CAMK1D: variants seen among roughly 807,000 people sequenced by gnomAD.
The protein encoded by CAMK1D is calcium/calmodulin dependent protein kinase ID, also known as calcium/calmodulin-dependent protein kinase type 1D.
A neutral mutation model predicts 47.7 loss-of-function variants in CAMK1D; 9 were observed. The ratio of observed to expected loss-of-function variants is 0.19; its 90% confidence interval spans 0.11 to 0.33. The LOEUF is 0.33. CAMK1D is among the 10% of genes least tolerant of loss of function. The pLI is 1.00. For missense variants in CAMK1D, 291 were observed against 488.7 expected (o/e 0.60, Z 3.81); for synonymous variants, 184 against 184.9 (o/e 0.99, Z 0.04).
At chr10:12,679,796 C>T (rs1840929874) in intron 3 of CAMK1D, among the ~76,000 whole-genome samples, 1 of 152,222 alleles carries the variant, frequency 6.6e-6, no homozygotes, top group African/African-American at 2.4e-5. Context: ...GAATACCCAT[C>T]TGCCTGGAGC....
chr10:12,694,183 T>TTATATAA lies in CAMK1D; in HGVS notation c.299+27373_299+27374insTATATAA, dbSNP rs1564498356. ...TATTATGCATAATATATATTATATA[T>TTATATAA]AATATAATATATATTATATATTATG... On this transcript the variant is annotated intron_variant, in intron 3 of 10. Transcript: ENST00000619168. Among the ~76,000 whole-genome samples, 40 of 25,724 alleles carry TTATATAA rather than the reference T, an allele frequency of 1.6e-3. 8 individuals carry two copies. The highest frequency in any genetic ancestry group is 5.1e-3 in the African/African-American group (39 of 7,610). The allele number at this position is 25,724 out of a possible 152,430, so 16.9% of individuals were successfully genotyped here.
At chr10:12,526,745 C>G (rs1253404504) in intron 1 of CAMK1D, among the ~76,000 whole-genome samples, 1 of 151,830 alleles carries the variant, frequency 6.6e-6, no homozygotes, top group African/African-American at 2.4e-5. Context: ...TGGCGAAGCC[C>G]CATCTTTACT....
chr10:12,804,937 C>A (rs373575093), intron 6 of CAMK1D, among the ~76,000 whole-genome samples: 145 of 51,044 alleles, frequency 2.8e-3, no homozygotes, highest in South Asian at 8.0e-3. Flanking sequence ...GACCCTGTCT[C>A]AAAAAAAAAA....
intron 3 of CAMK1D, among the ~76,000 whole-genome samples, chr10:12,691,343 A>T (rs1832869425): frequency 7.6e-6 from 1 of 131,710 alleles, no homozygotes; most frequent in Non-Finnish European, 1.6e-5. Flanking sequence ...ACAGGGCTGA[A>T]GTTTTCTATA....
At chr10:12,572,575 T>C (rs1392195877) in intron 2 of CAMK1D, among the ~76,000 whole-genome samples, 3 of 152,184 alleles carry the variant, frequency 2.0e-5, no homozygotes, top group Non-Finnish European at 2.9e-5. Flanking sequence ...GGCATCTGAC[T>C]GTGAAAGTCC....
intron 2 of CAMK1D, among the ~76,000 whole-genome samples, chr10:12,653,804 G>C (rs1451557763): frequency 6.6e-6 from 1 of 152,126 alleles, no homozygotes; most frequent in African/African-American, 2.4e-5. Context: ...TACCCCAGTA[G>C]CTTTAGTGCA....
At chr10:12,366,866 A>T (rs1837851155) in intron 1 of CAMK1D, among the ~76,000 whole-genome samples, 2 of 152,110 alleles carry the variant, frequency 1.3e-5, no homozygotes, top group African/African-American at 2.4e-5. Flanking sequence ...GGCTGTGGAT[A>T]TAGGGGCGGC....
intron 3 of CAMK1D, among the ~76,000 whole-genome samples, chr10:12,745,574 A>T (rs112585384): frequency 0.03 from 4,563 of 151,730 alleles, 155 homozygotes; most frequent in African/African-American, 0.076. Context: ...TTGTTTTTCC[A>T]AATGCAAGAA....
intron 1 of CAMK1D, among the ~76,000 whole-genome samples, chr10:12,465,771 C>T (rs2132063874): frequency 6.6e-6 from 1 of 152,282 alleles, no homozygotes; most frequent in African/African-American, 2.4e-5. Context: ...GGTATTACTC[C>T]ACATTACAGA....
chr10:12,772,175 G>T (rs1171906839), intron 5 of CAMK1D, among the ~76,000 whole-genome samples: 1 of 152,194 alleles, frequency 6.6e-6, no homozygotes, highest in Non-Finnish European at 1.5e-5. Context: ...GTGGTGACGG[G>T]AGGAAAGAGT....
intron 3 of CAMK1D, among the ~76,000 whole-genome samples, chr10:12,674,870 A>G (rs1165885602): frequency 1.3e-5 from 2 of 151,834 alleles, no homozygotes; most frequent in African/African-American, 4.8e-5. Flanking sequence ...CGTCTCTACT[A>G]AAAATACAAA....
At chr10:12,757,104 C>T (rs1013749455) in intron 3 of CAMK1D, among the ~76,000 whole-genome samples, 2 of 152,034 alleles carry the variant, frequency 1.3e-5, no homozygotes, top group African/African-American at 4.8e-5. Flanking sequence ...AGCTGAGCCT[C>T]TCTCCTAATA....
At chr10:12,592,699 A>G (rs918036117) in intron 2 of CAMK1D, among the ~76,000 whole-genome samples, 1 of 152,218 alleles carries the variant, frequency 6.6e-6, no homozygotes, top group Admixed American at 6.5e-5. Context: ...AAGTGCTCCA[A>G]ACACAGCCTG....
chr10:12,747,826 T>G (rs1210441444), intron 3 of CAMK1D, among the ~76,000 whole-genome samples: 1 of 152,082 alleles, frequency 6.6e-6, no homozygotes, highest in Non-Finnish European at 1.5e-5. Context: ...TGTCCCAGCT[T>G]TAAAGCAGTC....
At chr10:12,553,399 GC>G (rs769076898) in intron 2 of CAMK1D, 43 bp downstream of exon 2, 18 of 1,514,188 alleles carry the variant, frequency 1.2e-5, no homozygotes, top group South Asian at 9.0e-5. Flanking sequence ...CTACCTCCTG[GC>G]CCGTGTGTCC....
intron 2 of CAMK1D, among the ~76,000 whole-genome samples, chr10:12,643,463 C>G (rs1839723125): frequency 1.3e-5 from 2 of 152,228 alleles, no homozygotes; most frequent in South Asian, 4.1e-4. Flanking sequence ...ACAGCTGCTC[C>G]CCATCCATCA....
chr10:12,558,337 T>G (rs775716602), intron 2 of CAMK1D, among the ~76,000 whole-genome samples: 1 of 152,170 alleles, frequency 6.6e-6, no homozygotes, highest in African/African-American at 2.4e-5. Flanking sequence ...GTGGGTTGCT[T>G]GAGGTCAAGA....
At chr10:12,824,219 G>A (rs1389321228) in intron 8 of CAMK1D, among the ~76,000 whole-genome samples, 5 of 152,244 alleles carry the variant, frequency 3.3e-5, no homozygotes, top group African/African-American at 9.6e-5. Context: ...CCAGGAGGGC[G>A]CTGGCGGGTC....
intron 1 of CAMK1D, among the ~76,000 whole-genome samples, chr10:12,354,416 A>ATTTTC (rs1338145420): frequency 6.7e-6 from 1 of 149,378 alleles, no homozygotes; most frequent in Non-Finnish European, 1.5e-5. Context: ...ACATGAGATA[A>ATTTTC]TTTTCTTTTC....
Sources: gnomAD v4.1 joint callset for allele counts (sites outside exome capture counted in the v4.1 genomes callset) on GRCh38, gnomAD v4.1.1 for gene constraint, MANE v1.5 for transcripts, NCBI Gene and HGNC (gene_info 2026-07-23, HGNC 2026-07-21) for gene names.